APBA3: variants seen among roughly 807,000 people sequenced by gnomAD.
APBA3 encodes the protein amyloid beta precursor protein binding family A member 3.
APBA3 carries 45 observed loss-of-function variants against 55.9 expected under a neutral mutation model. The observed-to-expected ratio is 0.80, with a 90% CI of 0.63 to 1.03. The LOEUF is 1.03. Ranked by LOEUF, APBA3 falls within the 50% of genes least tolerant of loss-of-function variation. APBA3 has a pLI of 0.00. For missense variants in APBA3, 865 were observed against 820.3 expected (o/e 1.05, Z -0.67); for synonymous variants, 370 against 353.3 (o/e 1.05, Z -0.53).
intron 9 of APBA3, 27 bp downstream of exon 9, chr19:3,751,407 C>A (rs1003551358): frequency 4.7e-5 from 72 of 1,516,380 alleles, no homozygotes; most frequent in Non-Finnish European, 6.1e-5. Flanking sequence ...TACCCCCCCA[C>A]CCCGGGGCCA....
rs1417877145 is a variant in APBA3, at chr19:3,751,467, G to A, written c.1482C>T (p.Arg494=). ...TTAIIHRPHA[R]EQLGFCVEDG... The stretch of plus-strand genomic sequence containing the variant: ...CCTCCACGCAGAAGCCCAGCTGCTC[G>A]CGGGCGTGGGGCCGGTGGATGATGG... Residue 494 remains arginine, a synonymous_variant, in exon 9 of 11, where the codon CGC becomes CGT. Coordinates refer to ENST00000316757, the MANE Select transcript of APBA3 (RefSeq NM_004886.4). 47 of 1,557,800 alleles carry A rather than the reference G, an allele frequency of 3.0e-5. No individual in the cohort carries two copies. Among genetic ancestry groups the A allele is most frequent in the Non-Finnish European group, 3.8e-5 (44 of 1,155,834 alleles).
chr19:3,751,538 T>G lies in APBA3; in HGVS notation c.1411A>C (p.Thr471Pro). Residue 471 changes from threonine to proline, a missense_variant, in exon 9 of 11, where the codon ACG (threonine) becomes CCG (proline). Transcript: ENST00000316757. ...QAAVRETKSQ[T>P]SVTLSIVHCP... ...TGGACGATGCTGAGTGTCACCGACGTCTGCGACTTCGTCTCCTGTGGGGCG... is the reference window on the plus strand; with the variant it reads ...TGGACGATGCTGAGTGTCACCGACGGCTGCGACTTCGTCTCCTGTGGGGCG... 1 of 1,590,380 alleles carries G rather than the reference T, an allele frequency of 6.3e-7. No individual in the cohort carries two copies. Among genetic ancestry groups the G allele is most frequent in the Non-Finnish European group, 8.5e-7 (1 of 1,171,910 alleles).
chr19:3,758,678 C>G (rs995473491), intron 3 of APBA3, among the ~76,000 whole-genome samples: 16 of 151,992 alleles, frequency 1.1e-4, no homozygotes, highest in South Asian at 6.2e-4. Context: ...AGGAGTTCAA[C>G]ACCAGCCTGG....
At chr19:3,758,224 G>A (rs574410754) in intron 3 of APBA3, among the ~76,000 whole-genome samples, 43 of 151,692 alleles carry the variant, frequency 2.8e-4, no homozygotes, top group African/African-American at 7.0e-4. Flanking sequence ...GTGAGCCACC[G>A]CGCCCAGCTT....
In APBA3 at chr19:3,750,844, G is replaced by A. The variant is rs1214483028; in HGVS notation, c.*182C>T. On this transcript the variant is annotated 3_prime_UTR_variant, in exon 11 of 11. Transcript: ENST00000316757. The stretch of plus-strand genomic sequence containing the variant: ...TTCTAGTGGCTTCCAGGAAGGACAA[G>A]GTCCTCGGTCCCGTAGACCCTGATC... 4 of 954,528 alleles carry A rather than the reference G, an allele frequency of 4.2e-6. No homozygotes were observed. Among genetic ancestry groups the A allele is most frequent in the Non-Finnish European group, 6.4e-6 (4 of 623,842 alleles). The allele number at this position is 954,528 out of a possible 1,614,324, so 59.1% of individuals were successfully genotyped here. A position where few individuals can be genotyped will look rare whatever the true frequency, so the allele number is the denominator to read the frequency against.
chr19:3,760,030 C>T lies in APBA3; in HGVS notation c.235G>A (p.Ala79Thr), dbSNP rs1162894390. ...GDLVGPSPGG[A>T]PCPLHIATGH... ...GTGGCAATGTGTAGGGGACAGGGGG[C>T]TCCACCTGGGGATGGGCCCACCAGA... The change falls in exon 2 of 11, where the codon GCC becomes ACC. Residue 79 changes from alanine to threonine, a missense_variant. Ala to Thr is a moderately conservative substitution (Grantham distance 58). Transcript: ENST00000316757. 6.2e-7 allele frequency: 1 copy of T among 1,613,094 alleles called. No homozygotes were observed.
At chr19:3,761,283 C>A (rs1243678119) in intron 1 of APBA3, among the ~76,000 whole-genome samples, 1 of 152,112 alleles carries the variant, frequency 6.6e-6, no homozygotes, top group East Asian at 1.9e-4. Flanking sequence ...AGACCCAAGA[C>A]CCCAGTCCCA....
chr19:3,752,375 AG>A, intron 8 of APBA3, 132 bp downstream of exon 8: 1 of 795,110 alleles, frequency 1.3e-6, no homozygotes, highest in Non-Finnish European at 2.0e-6. Flanking sequence ...AGGGCACACC[AG>A]TGGGCAGGAC....
Position 3,760,233 on chromosome 19 carries a change from G to C in APBA3, c.32C>G (p.Ser11Trp), listed in dbSNP as rs548949116. 79 of 1,606,194 alleles carry C rather than the reference G, an allele frequency of 4.9e-5. No homozygotes were observed. In the South Asian group the frequency reaches 8.3e-4, roughly 17 times the overall value. MDFPTISRSPSGPPAMDLEGP... is the reference protein window; with the variant it reads MDFPTISRSPWGPPAMDLEGP... The stretch of plus-strand genomic sequence containing the variant: ...CTCCAAGTCCATGGCTGGAGGCCCC[G>C]AAGGGGATCGGGAAATTGTGGGGAA... Residue 11 changes from serine to tryptophan, a missense_variant, in exon 2 of 11, where the codon TCG becomes TGG. Ser to Trp is a radical substitution (Grantham distance 177). Coordinates refer to ENST00000316757, the MANE Select transcript of APBA3 (RefSeq NM_004886.4).
At chr19:3,759,526 T>C (rs2037117579) in intron 3 of APBA3, 35 bp downstream of exon 3, 7 of 1,574,496 alleles carry the variant, frequency 4.4e-6, no homozygotes, top group Non-Finnish European at 6.0e-6. Flanking sequence ...CTAGGGGCCT[T>C]CAGTGCCTGA....
chr19:3,760,437 C>A (rs1443394098), intron 1 of APBA3, 136 bp from the exon 2 acceptor site: 1 of 591,504 alleles, frequency 1.7e-6, no homozygotes, highest in East Asian at 3.0e-5. Flanking sequence ...AGAGCAAGAC[C>A]CTCTCTCTAC....
At position 3,751,257 on chromosome 19, in the gene APBA3, T is replaced by G; in HGVS notation, c.1588A>C (p.Asn530His). The G allele has an allele frequency of 1.3e-6, 2 of 1,546,340 alleles. No individual in the cohort carries two copies. The highest frequency in any genetic ancestry group is 1.7e-6 in the Non-Finnish European group (2 of 1,147,890). Residue 530 changes from asparagine to histidine, a missense_variant, in exon 10 of 11, where the codon AAT becomes CAT. Coordinates refer to ENST00000316757, the MANE Select transcript of APBA3 (RefSeq NM_004886.4). Reference protein sequence around the residue: ...IRVGHRIIEINGQSVVATPHA... With the variant: ...IRVGHRIIEIHGQSVVATPHA... ...GGCGTGGCCACCACACTCTGCCCAT[T>G]GATCTCAATGATGCGGTGGCCGACG...
In APBA3 at chr19:3,753,865, A is replaced by C. The variant is rs980781903; in HGVS notation, c.911T>G (p.Leu304Arg). Residue 304 changes from leucine (L) to arginine (R), a missense_variant, in exon 6 of 11, where the codon CTG becomes CGG. By Grantham distance (102) the Leu-to-Arg change is moderately radical. Transcript: ENST00000316757. ...CAGCCGCCGCCGCGCCATCAGCACC[A>C]GCACGCAGCCGATGTCGGCTGTGTA... ...ISYTADIGCV[L>R]VLMARRRLAR... is the part of the protein sequence containing the mutation. The C allele has an allele frequency of 1.3e-6, 2 of 1,566,606 alleles. No individual in the cohort carries two copies. The highest frequency in any genetic ancestry group is 1.7e-6 in the Non-Finnish European group (2 of 1,156,484).
rs773016634 is a variant in APBA3, at chr19:3,751,501, A to G, written c.1448T>C (p.Val483Ala). ...VTLSIVHCPP[V>A]TTAIIHRPHA... ...GGGCCGGTGGATGATGGCGGTGGTGACGGGAGGGCAGTGGACGATGCTGAG... is the reference window on the plus strand; with the variant it reads ...GGGCCGGTGGATGATGGCGGTGGTGGCGGGAGGGCAGTGGACGATGCTGAG... Residue 483 changes from valine to alanine, a missense_variant, in exon 9 of 11, where the codon GTC (valine) becomes GCC (alanine). Transcript: ENST00000316757. 38 of 1,583,968 alleles carry G rather than the reference A, an allele frequency of 2.4e-5. No individual in the cohort carries two copies. The African/African-American group carries it at 5.1e-4, about 21-fold the overall frequency.
chr19:3,753,508 C>G, intron 6 of APBA3: 1 of 459,964 alleles, frequency 2.2e-6, no homozygotes, highest in Non-Finnish European at 3.8e-6. Flanking sequence ...ATTAGCCAGG[C>G]ATGGTGATAC....
chr19:3,759,066 A>C (rs2037112388), intron 3 of APBA3, among the ~76,000 whole-genome samples: 1 of 149,132 alleles, frequency 6.7e-6, no homozygotes, highest in African/African-American at 2.5e-5. Flanking sequence ...TACCCAAATA[A>C]ATACGAAATA....
intron 10 of APBA3, 22 bp from the exon 11 acceptor site, chr19:3,751,119 G>A (rs1455471272): frequency 2.6e-6 from 4 of 1,563,126 alleles, no homozygotes; most frequent in Non-Finnish European, 2.6e-6. Context: ...AGGCGGAACG[G>A]GGCTCAGGGC....
At chr19:3,754,643 C>T (rs1349070527) in intron 3 of APBA3, 6 of 352,958 alleles carry the variant, frequency 1.7e-5, no homozygotes, top group Middle Eastern at 1.5e-3. Flanking sequence ...CCCAGAATTC[C>T]ATGATCAGGC....
chr19:3,751,376 G>A (rs1168002600), intron 9 of APBA3, 47 bp from the exon 10 acceptor site: 4 of 1,516,202 alleles, frequency 2.6e-6, no homozygotes, highest in Non-Finnish European at 3.5e-6. Context: ...GGCTGCTCAG[G>A]GGCCGTGCTC....
Sources: allele counts gnomAD v4.1 joint callset (sites outside exome capture counted in the v4.1 genomes callset), GRCh38; gene constraint gnomAD v4.1.1; transcripts MANE v1.5; gene names NCBI Gene and HGNC (gene_info 2026-07-23, HGNC 2026-07-21).